CDH4: variants seen among roughly 807,000 people sequenced by gnomAD.
The protein encoded by CDH4 is cadherin-4.
CDH4 carries 33 observed loss-of-function variants against 86.0 expected under a neutral mutation model. The ratio of observed to expected loss-of-function variants is 0.38; its 90% CI spans 0.29 to 0.51. The LOEUF is 0.51. CDH4 is among the 20% of genes least tolerant of loss of function. The pLI is 0.86. For synonymous variants in CDH4, 555 were observed against 549.4 expected (o/e 1.01, Z -0.14); for missense variants, 1,114 against 1,307.4 (o/e 0.85, Z 2.28).
chr20:61,296,279 G>GT (rs1491102385), intron 2 of CDH4, among the ~76,000 whole-genome samples: 35 of 37,914 alleles, frequency 9.2e-4, no homozygotes, highest in Non-Finnish European at 1.3e-3. Flanking sequence ...GTGTGTGCGT[G>GT]GGTGCGTGTG....
intron 2 of CDH4, among the ~76,000 whole-genome samples, chr20:61,637,289 A>G: frequency 6.6e-6 from 1 of 152,140 alleles, no homozygotes; most frequent in Non-Finnish European, 1.5e-5. Context: ...GTATCTGTTT[A>G]ACCGTTCTTA....
chr20:61,358,628 C>T lies in CDH4; in HGVS notation c.169+103691C>T, dbSNP rs567677725. Among the ~76,000 whole-genome samples, 289 of 152,326 alleles carry T rather than the reference C, an allele frequency of 1.9e-3. 1 individual carries two copies. Among genetic ancestry groups the T allele is most frequent in the African/African-American group, 6.5e-3 (272 of 41,584 alleles). On this transcript the variant is annotated intron_variant, in intron 2 of 15. Transcript: ENST00000614565. Reference sequence around the variant, plus strand: ...TGTAAAGAGATATCCCCGTATTTTACACAGAGAGGGTCAAATGCACGGCCC... The same window carrying T: ...TGTAAAGAGATATCCCCGTATTTTATACAGAGAGGGTCAAATGCACGGCCC...
chr20:61,682,789 T>C (rs934768323), intron 2 of CDH4, among the ~76,000 whole-genome samples: 4 of 152,160 alleles, frequency 2.6e-5, no homozygotes, highest in African/African-American at 7.2e-5. Context: ...GATTCTAATC[T>C]GTGGAATGTT....
At chr20:61,919,722 T>TGTGTCATGATGATTGCGTGGAAGC in intron 9 of CDH4, among the ~76,000 whole-genome samples, 1 of 150,944 alleles carries the variant, frequency 6.6e-6, no homozygotes, top group South Asian at 2.1e-4. Flanking sequence ...GTGGAAGCGC[T>TGTGTCATGATGATTGCGTGGAAGC]GTGTCATGAT....
chr20:61,691,621 CAG>C (rs1389990248), intron 2 of CDH4, among the ~76,000 whole-genome samples: 1 of 152,104 alleles, frequency 6.6e-6, no homozygotes, highest in Non-Finnish European at 1.5e-5. Flanking sequence ...CTACATGGTC[CAG>C]CCTTCTGCAC....
chr20:61,495,752 A>T (rs928652392), intron 2 of CDH4, among the ~76,000 whole-genome samples: 8 of 151,782 alleles, frequency 5.3e-5, no homozygotes, highest in African/African-American at 1.7e-4. Flanking sequence ...AAAATATAAA[A>T]ATTAGCTGGG....
At chr20:61,934,596 C>A (rs2055157266) in intron 15 of CDH4, among the ~76,000 whole-genome samples, 1 of 152,226 alleles carries the variant, frequency 6.6e-6, no homozygotes, top group South Asian at 2.1e-4. Context: ...TGCTATGAGC[C>A]CTCCAAGTAT....
chr20:61,391,688 G>A (rs2084987028), intron 2 of CDH4, among the ~76,000 whole-genome samples: 1 of 152,220 alleles, frequency 6.6e-6, no homozygotes, highest in African/African-American at 2.4e-5. Flanking sequence ...CGTGGGGAAT[G>A]TGAGCAGAAC....
chr20:61,416,280 G>A (rs754476350), intron 2 of CDH4, among the ~76,000 whole-genome samples: 2 of 152,204 alleles, frequency 1.3e-5, no homozygotes, highest in African/African-American at 2.4e-5. Context: ...GATTACAGGC[G>A]TGAGCCACCG....
chr20:61,466,239 G>C (rs2085470913), intron 2 of CDH4, among the ~76,000 whole-genome samples: 1 of 152,170 alleles, frequency 6.6e-6, no homozygotes, highest in African/African-American at 2.4e-5. Context: ...CAGACTGTTT[G>C]ATTCAAATGT....
chr20:61,461,256 A>C (rs967774625), intron 2 of CDH4, among the ~76,000 whole-genome samples: 2 of 152,190 alleles, frequency 1.3e-5, no homozygotes, highest in Admixed American at 6.5e-5. Flanking sequence ...GAAAGACAGC[A>C]AGGAAGACAG....
intron 2 of CDH4, among the ~76,000 whole-genome samples, chr20:61,435,471 G>C (rs1230060932): frequency 7.6e-6 from 1 of 131,156 alleles, no homozygotes; most frequent in African/African-American, 3.4e-5. Flanking sequence ...CCGGCTGCAG[G>C]GTGCTGCTTC....
At chr20:61,661,942 C>T (rs1272585955) in intron 2 of CDH4, among the ~76,000 whole-genome samples, 1 of 152,308 alleles carries the variant, frequency 6.6e-6, no homozygotes, top group East Asian at 1.9e-4. Context: ...AAAGGGTCCA[C>T]AGGGCCTCCC....
chr20:61,257,873 G>A (rs1340799514), intron 2 of CDH4, among the ~76,000 whole-genome samples: 1 of 152,246 alleles, frequency 6.6e-6, no homozygotes, highest in Non-Finnish European at 1.5e-5. Flanking sequence ...AGAGGCGGGA[G>A]AGTCCTAGGT....
Position 61,523,089 on chromosome 20 carries a change from A to C in CDH4, c.170-220474A>C, listed in dbSNP as rs143210162. ...CCACACCAGGTGACAGGCGGCATGC[A>C]TCCTGCTGTCCAGAGCTGGCCAGCA... On this transcript the variant is annotated intron_variant, in intron 2 of 15. Transcript: ENST00000614565. Among the ~76,000 whole-genome samples the C allele has an allele frequency of 3.2e-3, 480 of 152,344 alleles. 2 individuals carry two copies. The highest frequency in any genetic ancestry group is 0.011 in the African/African-American group (457 of 41,590).
chr20:61,376,356 G>A (rs2084872439), intron 2 of CDH4, among the ~76,000 whole-genome samples: 1 of 152,136 alleles, frequency 6.6e-6, no homozygotes, highest in Non-Finnish European at 1.5e-5. Context: ...AGATCCCAGG[G>A]GAAGGAGGGC....
At chr20:61,264,225 T>TCCCA (rs2084143521) in intron 2 of CDH4, among the ~76,000 whole-genome samples, 1 of 152,130 alleles carries the variant, frequency 6.6e-6, no homozygotes, top group Non-Finnish European at 1.5e-5. Context: ...TTGCTATGCG[T>TCCCA]CCCACACTGT....
intron 4 of CDH4, among the ~76,000 whole-genome samples, chr20:61,841,953 C>T (rs1036440110): frequency 2.6e-5 from 4 of 152,144 alleles, no homozygotes; most frequent in Non-Finnish European, 5.9e-5. Flanking sequence ...GGCCGGTGTG[C>T]GGGGCACCTC....
At chr20:61,350,100 G>C (rs2084702404) in intron 2 of CDH4, among the ~76,000 whole-genome samples, 1 of 150,586 alleles carries the variant, frequency 6.6e-6, no homozygotes, top group South Asian at 2.1e-4. Context: ...CCCAGCGTCA[G>C]GCAGACACCT....
Sources: gnomAD v4.1 joint callset for allele counts (sites outside exome capture counted in the v4.1 genomes callset) on GRCh38, gnomAD v4.1.1 for gene constraint, MANE v1.5 for transcripts, NCBI Gene and HGNC (gene_info 2026-07-23, HGNC 2026-07-21) for gene names.